The following GRIK1 variants were observed in gnomAD, a reference collection of about 807,000 sequenced individuals.
The protein encoded by GRIK1 is glutamate ionotropic receptor kainate type subunit 1.
Under a neutral mutation model 105.7 loss-of-function variants are expected in GRIK1, and 69 were observed. The ratio of observed to expected loss-of-function variants is 0.65; its 90% confidence interval spans 0.54 to 0.80. The LOEUF (loss-of-function observed/expected upper bound fraction) is 0.80. Ranked by LOEUF, GRIK1 falls within the 30% of genes least tolerant of loss-of-function variation. GRIK1 has a pLI of 0.00. For missense variants in GRIK1, 1,109 were observed against 1,167.3 expected, an observed-to-expected ratio of 0.95 and a Z score of 0.73; for synonymous variants, 438 against 431.3, an observed-to-expected ratio of 1.02 and a Z score of -0.19.
intron 12 of GRIK1, among the ~76,000 whole-genome samples, chr21:29,586,511 C>G (rs1476902233): frequency 6.6e-6 from 1 of 152,126 alleles, no homozygotes; most frequent in Non-Finnish European, 1.5e-5. Context: ...AAAAAGTTCA[C>G]TGAGTTTTGT....
intron 3 of GRIK1, among the ~76,000 whole-genome samples, chr21:29,677,089 A>G (rs2146661983): frequency 6.6e-6 from 1 of 152,300 alleles, no homozygotes; most frequent in East Asian, 1.9e-4. Context: ...GCTTACTTTC[A>G]AATGGTTCAA....
Position 29,537,816 on chromosome 21 carries a change from T to C in GRIK1, c.2676A>G (p.Gln892=). ...AACAAACCTTCTCTACACCAAGGCT[T>C]TGTTTTTTTCTCCCATGAAACCTTA... The part of the protein sequence containing the change: ...NKVRFHGRKK[Q]SLGVEKCLSF... Residue 892 remains glutamine (Q), a synonymous_variant, in exon 17 of 18, where the codon CAA becomes CAG. Coordinates refer to ENST00000327783, the MANE Select transcript of GRIK1 (RefSeq NM_001330994.2). 6.6e-7 allele frequency: 1 copy of C among 1,521,918 alleles called. No homozygotes were observed. The highest frequency in any genetic ancestry group is 1.4e-5 in the African/African-American group (1 of 73,272). 94.3% of individuals were successfully genotyped at this position (1,521,918 alleles called of 1,614,324 possible).
Position 29,750,572 on chromosome 21 carries a change from C to T in GRIK1, c.119-56509G>A, listed in dbSNP as rs182421096. On this transcript the variant is annotated intron_variant, in intron 1 of 17. Transcript: ENST00000327783. ...CACATTTGTCTTGAACTACTGATTGCTGAGGCAGATTTTCTTGTAAAGGTA... is the reference window on the plus strand; with the variant it reads ...CACATTTGTCTTGAACTACTGATTGTTGAGGCAGATTTTCTTGTAAAGGTA... Among the ~76,000 whole-genome samples the T allele has an allele frequency of 9.9e-4, 151 of 152,232 alleles. 2 individuals are homozygous for T. Among genetic ancestry groups the T allele is most frequent in the Admixed American group, 1.6e-3 (25 of 15,284 alleles).
Position 29,831,660 on chromosome 21 carries a change from G to A in GRIK1, c.118+107723C>T, listed in dbSNP as rs529088807. Among the ~76,000 whole-genome samples the A allele has an allele frequency of 7.2e-5, 11 of 152,036 alleles. No homozygotes were observed. In the Middle Eastern group the frequency reaches 0.01, roughly 141 times the overall value. Reference sequence around the variant, plus strand: ...AACTTACTATGATAGGAACATCAAGGGTTTGGAAATCAGCCCCCATGATCA... The same window carrying A: ...AACTTACTATGATAGGAACATCAAGAGTTTGGAAATCAGCCCCCATGATCA... On this transcript the variant is annotated intron_variant, in intron 1 of 17. Coordinates refer to ENST00000327783, the MANE Select transcript of GRIK1 (RefSeq NM_001330994.2).
chr21:29,591,877 G>A (rs949698169), intron 9 of GRIK1, among the ~76,000 whole-genome samples: 5 of 151,836 alleles, frequency 3.3e-5, no homozygotes, highest in African/African-American at 7.2e-5. Context: ...AGTGAGACCC[G>A]ATCTATACAA....
At chr21:29,686,177 A>C (rs546071112) in intron 3 of GRIK1, among the ~76,000 whole-genome samples, 5 of 152,322 alleles carry the variant, frequency 3.3e-5, no homozygotes, top group Admixed American at 3.3e-4. Context: ...AAGCCTCCTG[A>C]GTCATGTAAA....
At chr21:29,875,047 CATT>C (rs762848820) in intron 1 of GRIK1, among the ~76,000 whole-genome samples, 2 of 147,940 alleles carry the variant, frequency 1.4e-5, no homozygotes. Flanking sequence ...TGTATGCAAA[CATT>C]ATTTATTTTG....
Position 29,707,446 on chromosome 21 carries a change from C to CCCTTCCTTCCTTCCTTCCTTCCTTCCTT in GRIK1, c.119-13384_119-13383insAAGGAAGGAAGGAAGGAAGGAAGGAAGG, listed in dbSNP as rs1555875906. On this transcript the variant is annotated intron_variant, in intron 1 of 17. Transcript: ENST00000327783. ...TCTTTCCCTTCCTCCCTCCCTCCCT[C>CCCTTCCTTCCTTCCTTCCTTCCTTCCTT]CCTCCCTCCCTCCCTCCCTCCCTCC... Among the ~76,000 whole-genome samples, 10 of 18,644 alleles carry CCCTTCCTTCCTTCCTTCCTTCCTTCCTT rather than the reference C, an allele frequency of 5.4e-4. 1 individual carries two copies. In the East Asian group the frequency reaches 9.6e-3, roughly 18 times the overall value. 12.2% of individuals were successfully genotyped at this position (18,644 alleles called of 152,430 possible). A position where few individuals can be genotyped will look rare whatever the true frequency, so the allele number is the denominator to read the frequency against.
intron 1 of GRIK1, among the ~76,000 whole-genome samples, chr21:29,800,911 G>T (rs143154276): frequency 1.2e-3 from 179 of 152,248 alleles, no homozygotes; most frequent in Non-Finnish European, 2.8e-4. Flanking sequence ...ATGGGAGAGG[G>T]CAAAGGGCGG....
At chr21:29,804,400 G>T (rs942235368) in intron 1 of GRIK1, among the ~76,000 whole-genome samples, 3 of 151,954 alleles carry the variant, frequency 2.0e-5, no homozygotes. Context: ...GCTTGAAAGA[G>T]ATTTCTTTAA....
intron 1 of GRIK1, among the ~76,000 whole-genome samples, chr21:29,930,257 A>T (rs2071521424): frequency 6.6e-6 from 1 of 152,170 alleles, no homozygotes; most frequent in East Asian, 1.9e-4. Context: ...CATTTTTAGG[A>T]GAAAAAGTAC....
At chr21:29,848,578 T>A (rs1422579994) in intron 1 of GRIK1, among the ~76,000 whole-genome samples, 1 of 151,966 alleles carries the variant, frequency 6.6e-6, no homozygotes, top group Non-Finnish European at 1.5e-5. Context: ...TTCATCCTTC[T>A]CAAATGGAAA....
intron 1 of GRIK1, among the ~76,000 whole-genome samples, chr21:29,834,790 T>C (rs2067737772): frequency 6.7e-6 from 1 of 149,136 alleles, no homozygotes; most frequent in African/African-American, 2.5e-5. Context: ...CATCCAATAT[T>C]AATGATTTTA....
intron 5 of GRIK1, among the ~76,000 whole-genome samples, chr21:29,653,851 C>G (rs1019124528): frequency 6.6e-6 from 1 of 152,124 alleles, no homozygotes; most frequent in Admixed American, 6.5e-5. Context: ...ACCCTATGCT[C>G]AGTAGCAGTA....
intron 16 of GRIK1, chr21:29,553,576 C>A: frequency 1.3e-6 from 2 of 1,592,580 alleles, no homozygotes; most frequent in South Asian, 1.1e-5. Flanking sequence ...GAACTGAGGA[C>A]TGTTTTCGAA....
intron 6 of GRIK1, among the ~76,000 whole-genome samples, chr21:29,643,910 G>A (rs540244327): frequency 1.4e-3 from 211 of 149,764 alleles, no homozygotes; most frequent in African/African-American, 5.1e-3. Flanking sequence ...GCACACACAT[G>A]CACACACACA....
intron 7 of GRIK1, among the ~76,000 whole-genome samples, chr21:29,631,085 G>C (rs1358203353): frequency 5.3e-5 from 8 of 152,118 alleles, no homozygotes; most frequent in Admixed American, 4.6e-4. Flanking sequence ...TGGGATTACA[G>C]GCCTGAGCTA....
intron 1 of GRIK1, among the ~76,000 whole-genome samples, chr21:29,786,091 C>T (rs1174762026): frequency 1.3e-5 from 2 of 152,204 alleles, no homozygotes; most frequent in Admixed American, 6.5e-5. Flanking sequence ...TGGGTTCAAG[C>T]GATTCTCTTG....
chr21:29,631,722 T>C (rs575548635), intron 7 of GRIK1, among the ~76,000 whole-genome samples: 4 of 152,348 alleles, frequency 2.6e-5, no homozygotes, highest in Admixed American at 2.6e-4. Context: ...TCATTAATAA[T>C]TTGAATATTG....
Sources: gnomAD v4.1 joint callset for allele counts (sites outside exome capture counted in the v4.1 genomes callset) on GRCh38, gnomAD v4.1.1 for gene constraint, MANE v1.5 for transcripts, NCBI Gene and HGNC (gene_info 2026-07-23, HGNC 2026-07-21) for gene names.